The following ADARB2 variants were observed in gnomAD, a reference collection of about 807,000 sequenced individuals.
ADARB2 encodes the protein adenosine deaminase RNA specific B2 (inactive).
A neutral mutation model predicts 62.2 loss-of-function variants in ADARB2; 25 were observed. The ratio of observed to expected loss-of-function variants is 0.40; its 90% confidence interval spans 0.29 to 0.56. ADARB2 has a LOEUF of 0.56. ADARB2 is among the 20% of genes least tolerant of loss of function. ADARB2 has a pLI of 0.43. For missense variants in ADARB2, 1,071 were observed against 1,077.4 expected (o/e 0.99, Z 0.08); for synonymous variants, 572 against 500.8 (o/e 1.14, Z -1.90).
chr10:1,713,669 A>T (rs1055128339), intron 1 of ADARB2, among the ~76,000 whole-genome samples: 7 of 152,194 alleles, frequency 4.6e-5, no homozygotes, highest in African/African-American at 1.7e-4. Flanking sequence ...CCTGTTAAAC[A>T]AGCGCCATGG....
intron 1 of ADARB2, among the ~76,000 whole-genome samples, chr10:1,624,870 C>T (rs953858251): frequency 2.0e-5 from 3 of 151,966 alleles, no homozygotes; most frequent in Non-Finnish European, 4.4e-5. Flanking sequence ...TTCTTCTTGA[C>T]TTGGAATTAA....
intron 1 of ADARB2, among the ~76,000 whole-genome samples, chr10:1,453,073 G>A (rs74122640): frequency 0.038 from 5,759 of 152,186 alleles, 192 homozygotes; most frequent in South Asian, 0.098. Context: ...GGTCTGTGAC[G>A]CCTAGTCCCT....
At chr10:1,288,703 G>A (rs566113803) in intron 3 of ADARB2, among the ~76,000 whole-genome samples, 12 of 152,312 alleles carry the variant, frequency 7.9e-5, no homozygotes, top group Non-Finnish European at 1.6e-4. Context: ...ATTGGGGTAG[G>A]AGAATGACCC....
intron 3 of ADARB2, among the ~76,000 whole-genome samples, chr10:1,330,381 T>C (rs1831917832): frequency 6.6e-6 from 1 of 152,220 alleles, no homozygotes; most frequent in Non-Finnish European, 1.5e-5. Flanking sequence ...TTATAGAGGA[T>C]CTATAAATCA....
intron 3 of ADARB2, among the ~76,000 whole-genome samples, chr10:1,282,027 C>T (rs888739975): frequency 3.9e-5 from 6 of 152,140 alleles, no homozygotes; most frequent in African/African-American, 1.4e-4. Flanking sequence ...GCGTGATTTC[C>T]CATGACGGCT....
At chr10:1,353,037 T>C (rs1832159087) in intron 3 of ADARB2, among the ~76,000 whole-genome samples, 1 of 152,066 alleles carries the variant, frequency 6.6e-6, no homozygotes, top group Admixed American at 6.5e-5. Flanking sequence ...GTTGTAGAAA[T>C]CTATCCTCAA....
intron 1 of ADARB2, among the ~76,000 whole-genome samples, chr10:1,709,174 A>G (rs1038879251): frequency 6.6e-6 from 1 of 152,166 alleles, no homozygotes; most frequent in Non-Finnish European, 1.5e-5. Context: ...GTTGCCTTTT[A>G]TAATAAAGCT....
rs1449391683 is a variant in ADARB2, at chr10:1,177,507, C to T, written c.*5686G>A. The T allele has an allele frequency of 1.3e-5, 2 of 151,976 alleles. No homozygotes were observed. The highest frequency in any genetic ancestry group is 2.4e-5 in the African/African-American group (1 of 41,358). The allele number at this position is 151,976 out of a possible 1,614,324, so 9.4% of individuals were successfully genotyped here. On this transcript the variant is annotated 3_prime_UTR_variant, in exon 10 of 10. Transcript: ENST00000381312. ...GCCATTCTATCATGCTTTTTATGTA[C>T]ATACCTTCAATTAGAATTACTATGT...
chr10:1,695,050 C>A (rs11250739), intron 1 of ADARB2, among the ~76,000 whole-genome samples: 114,549 of 152,088 alleles, frequency 0.75, 43,899 homozygotes, highest in East Asian at 0.97. Context: ...CCCCCCGTGC[C>A]AGATATGACT....
chr10:1,682,426 G>A lies in ADARB2; in HGVS notation c.100+54625C>T, dbSNP rs536763232. Among the ~76,000 whole-genome samples the A allele has an allele frequency of 2.0e-5, 3 of 152,322 alleles. No homozygotes were observed. In the East Asian group the frequency reaches 5.8e-4, roughly 29 times the overall value. ...AGCCATTTGCACTTTAAGGAAACCA[G>A]TATCCCCTGAAAGTCGGTCTTAGAA... On this transcript the variant is annotated intron_variant, in intron 1 of 9. Transcript: ENST00000381312.
chr10:1,725,368 T>C (rs980566822), intron 1 of ADARB2, among the ~76,000 whole-genome samples: 5 of 152,220 alleles, frequency 3.3e-5, no homozygotes, highest in African/African-American at 1.2e-4. Context: ...CTTTCTGACA[T>C]GAGCCCAGAC....
chr10:1,533,082 C>T (rs555084059), intron 1 of ADARB2, among the ~76,000 whole-genome samples: 7 of 151,262 alleles, frequency 4.6e-5, no homozygotes, highest in East Asian at 3.9e-4. Flanking sequence ...TGGAGAGTAA[C>T]GAGCCAGCTG....
chr10:1,445,979 C>A (rs1313294891), intron 1 of ADARB2, among the ~76,000 whole-genome samples: 2 of 152,176 alleles, frequency 1.3e-5, no homozygotes, highest in Non-Finnish European at 2.9e-5. Context: ...CAAAGTGAGA[C>A]TACATAAACT....
chr10:1,620,837 T>A (rs985853508), intron 1 of ADARB2, among the ~76,000 whole-genome samples: 1 of 152,228 alleles, frequency 6.6e-6, no homozygotes, highest in Admixed American at 6.5e-5. Flanking sequence ...TAATATACTA[T>A]ATTAATCAAA....
chr10:1,599,483 T>A (rs1225718088), intron 1 of ADARB2, among the ~76,000 whole-genome samples: 1 of 152,236 alleles, frequency 6.6e-6, no homozygotes, highest in African/African-American at 2.4e-5. Context: ...ATTATGATCC[T>A]GTGTACAGGG....
At chr10:1,422,973 G>T (rs1202424079) in intron 1 of ADARB2, among the ~76,000 whole-genome samples, 2 of 152,128 alleles carry the variant, frequency 1.3e-5, no homozygotes, top group Non-Finnish European at 2.9e-5. Flanking sequence ...TGGTTCTTAT[G>T]GCCGAGAGCC....
chr10:1,265,817 G>C (rs1412870533), intron 4 of ADARB2, among the ~76,000 whole-genome samples: 10 of 138,370 alleles, frequency 7.2e-5, no homozygotes, highest in African/African-American at 2.7e-4. Flanking sequence ...GCCTGAGAGG[G>C]GGGCCCAGGG....
intron 1 of ADARB2, among the ~76,000 whole-genome samples, chr10:1,569,484 A>G (rs535423802): frequency 6.6e-6 from 1 of 152,310 alleles, no homozygotes; most frequent in Non-Finnish European, 1.5e-5. Context: ...TGGCTGGTTT[A>G]CCCAACACCT....
intron 1 of ADARB2, among the ~76,000 whole-genome samples, chr10:1,674,076 T>A (rs1484450994): frequency 6.6e-6 from 1 of 152,196 alleles, no homozygotes; most frequent in Non-Finnish European, 1.5e-5. Context: ...TCCCCTGAAG[T>A]CGATGTCAGA....
Sources: gnomAD v4.1 joint callset for allele counts (sites outside exome capture counted in the v4.1 genomes callset) on GRCh38, gnomAD v4.1.1 for gene constraint, MANE v1.5 for transcripts, NCBI Gene and HGNC (gene_info 2026-07-23, HGNC 2026-07-21) for gene names.